Variants in MBD5 observed in about 807,000 individuals in gnomAD.
MBD5 encodes methyl-CpG-binding domain protein 5.
A neutral mutation model predicts 117.3 loss-of-function variants in MBD5; 13 were observed. The ratio of observed to expected loss-of-function variants is 0.11; its 90% CI spans 0.07 to 0.18. The LOEUF (loss-of-function observed/expected upper bound fraction) is 0.18. Ranked by LOEUF, MBD5 falls within the 10% of genes least tolerant of loss-of-function variation. MBD5 has a pLI of 1.00. For synonymous variants in MBD5, 727 were observed against 766.4 expected, an observed-to-expected ratio of 0.95 and a Z score of 0.85; for missense variants, 1,879 against 2,093.8, an observed-to-expected ratio of 0.90 and a Z score of 2.00.
intron 4 of MBD5, among the ~76,000 whole-genome samples, chr2:148,385,495 CT>C (rs1704323052): frequency 6.6e-6 from 1 of 152,060 alleles, no homozygotes; most frequent in Non-Finnish European, 1.5e-5. Flanking sequence ...AATAGGAACA[CT>C]TTTACACTGT....
intron 3 of MBD5, among the ~76,000 whole-genome samples, chr2:148,269,414 T>G (rs1043687101): frequency 6.6e-6 from 1 of 151,890 alleles, no homozygotes; most frequent in Non-Finnish European, 1.5e-5. Context: ...TATTAAAGGA[T>G]ACATAGGAGA....
At chr2:148,301,905 G>A (rs915751214) in intron 3 of MBD5, among the ~76,000 whole-genome samples, 2 of 152,102 alleles carry the variant, frequency 1.3e-5, no homozygotes, top group Non-Finnish European at 2.9e-5. Flanking sequence ...CCAGTTTCAG[G>A]TGTTTCTATC....
Position 148,502,483 on chromosome 2 carries a change from C to T in MBD5, c.5010C>T (p.Tyr1670=), listed in dbSNP as rs1057523158. Residue 1670 remains tyrosine, a synonymous_variant, in exon 12 of 14, where the codon TAC becomes TAT. Transcript: ENST00000642680. ...CACTAACAGAAGGTTTGGAAGCCTA[C>T]AGCCGTGTCCGGAAAAGGAACAGAA... ...LKTLTEGLEA[Y]SRVRKRNRKS... is the part of the protein sequence containing the mutation. 6 of 1,614,200 alleles carry T rather than the reference C, an allele frequency of 3.7e-6. No individual in the cohort carries two copies. The highest frequency in any genetic ancestry group is 4.2e-6 in the Non-Finnish European group (5 of 1,180,018).
chr2:148,124,682 A>T (rs981628749), intron 1 of MBD5, among the ~76,000 whole-genome samples: 2 of 152,170 alleles, frequency 1.3e-5, no homozygotes, highest in Admixed American at 1.3e-4. Context: ...TTTTTTCTGC[A>T]TATTTTTAAA....
chr2:148,432,149 C>T (rs954346649), intron 4 of MBD5, among the ~76,000 whole-genome samples: 9 of 151,996 alleles, frequency 5.9e-5, no homozygotes, highest in African/African-American at 1.9e-4. Flanking sequence ...TTTTCATGTG[C>T]TTGTTGGCTG....
At position 148,485,766 on chromosome 2, in the gene MBD5, C is replaced by A. The variant is rs774999439; in HGVS notation, c.3569C>A (p.Thr1190Asn). 6.8e-6 allele frequency: 11 copies of A among 1,613,244 alleles called. No homozygotes were observed. Among genetic ancestry groups the A allele is most frequent in the Admixed American group, 6.7e-5 (4 of 59,954 alleles). ...LLGDMSSINNTLSNHQLTHLQ... is the reference protein window; with the variant it reads ...LLGDMSSINNNLSNHQLTHLQ... Reference sequence around the variant, plus strand: ...GGTGATATGTCATCAATAAACAATACTTTGAGTAACCATCAACTGACTCAT... The same window carrying A: ...GGTGATATGTCATCAATAAACAATAATTTGAGTAACCATCAACTGACTCAT... Residue 1190 changes from threonine to asparagine, a missense_variant, in exon 10 of 14, where the codon ACT becomes AAT. Transcript: ENST00000642680.
chr2:148,214,619 CAATTT>C (rs1319038390), intron 2 of MBD5, among the ~76,000 whole-genome samples: 3 of 152,254 alleles, frequency 2.0e-5, no homozygotes, highest in Admixed American at 6.5e-5. Flanking sequence ...CAAAAGTGTT[CAATTT>C]GTTACCAGTA....
At chr2:148,408,578 G>A (rs1201579845) in intron 4 of MBD5, among the ~76,000 whole-genome samples, 1 of 152,020 alleles carries the variant, frequency 6.6e-6, no homozygotes, top group Non-Finnish European at 1.5e-5. Flanking sequence ...CTTGTATAAA[G>A]GCTTCTATTT....
chr2:148,146,922 G>A (rs547701764), intron 1 of MBD5, among the ~76,000 whole-genome samples: 1 of 151,966 alleles, frequency 6.6e-6, no homozygotes. Context: ...TAAATATTTT[G>A]TTTCTGTTAT....
chr2:148,135,853 G>A (rs929045231), intron 1 of MBD5, among the ~76,000 whole-genome samples: 12 of 152,070 alleles, frequency 7.9e-5, no homozygotes, highest in African/African-American at 2.9e-4. Flanking sequence ...GACCTCCTAG[G>A]ACCACATATG....
chr2:148,079,325 A>G lies in MBD5; in HGVS notation c.-925+57641A>G, dbSNP rs571817710. Among the ~76,000 whole-genome samples, 6 of 152,306 alleles carry G rather than the reference A, an allele frequency of 3.9e-5. No homozygotes were observed. In the South Asian group the frequency reaches 1.2e-3, roughly 32 times the overall value. Reference sequence around the variant, plus strand: ...CAATGGTTTTCAAATGTTTTACAGGATGATAGTAGTATTGGCAGCAAGCTC... The same window carrying G: ...CAATGGTTTTCAAATGTTTTACAGGGTGATAGTAGTATTGGCAGCAAGCTC... On this transcript the variant is annotated intron_variant, in intron 1 of 13. Transcript: ENST00000642680.
chr2:148,490,127 T>C lies in MBD5; in HGVS notation c.4495T>C (p.Tyr1499His). ...TAAAATTCTAGAGGAAAATTTCAGG[T>C]ATAATAACTACAAAAGAACTATGAT... ...GDKILEENFRYNNYKRTMMSF... is the reference protein window; with the variant it reads ...GDKILEENFRHNNYKRTMMSF... The change falls in exon 11 of 14, where the codon TAT (tyrosine) becomes CAT (histidine). Residue 1499 changes from tyrosine to histidine, a missense_variant. Coordinates refer to ENST00000642680, the MANE Select transcript of MBD5 (RefSeq NM_001378120.1). 1 of 1,613,500 alleles carries C rather than the reference T, an allele frequency of 6.2e-7. No homozygotes were observed. Among genetic ancestry groups the C allele is most frequent in the Non-Finnish European group, 8.5e-7 (1 of 1,179,876 alleles).
At chr2:148,155,375 G>A (rs1697844760) in intron 1 of MBD5, among the ~76,000 whole-genome samples, 1 of 152,188 alleles carries the variant, frequency 6.6e-6, no homozygotes, top group Non-Finnish European at 1.5e-5. Flanking sequence ...ATTGTGCCTG[G>A]CTTCAGCGAT....
intron 4 of MBD5, among the ~76,000 whole-genome samples, chr2:148,371,231 A>G (rs1268743434): frequency 2.0e-5 from 3 of 152,170 alleles, no homozygotes; most frequent in Admixed American, 6.5e-5. Flanking sequence ...TAATGACCAT[A>G]TAATTTCTAT....
chr2:148,181,721 C>T lies in MBD5; in HGVS notation c.-831+2928C>T, dbSNP rs990473565. Among the ~76,000 whole-genome samples, 17 of 151,848 alleles carry T rather than the reference C, an allele frequency of 1.1e-4. No homozygotes were observed. In the East Asian group the frequency reaches 3.1e-3, roughly 28 times the overall value. ...TTTATAGGAATTTGTTGTATGTGCT[C>T]GATATTAATTTCCTATCAGTTTAGA... On this transcript the variant is annotated intron_variant, in intron 2 of 13. Transcript: ENST00000642680.
intron 2 of MBD5, among the ~76,000 whole-genome samples, chr2:148,207,679 T>C (rs1452381613): frequency 8.1e-6 from 1 of 122,824 alleles, no homozygotes; most frequent in Non-Finnish European, 1.8e-5. Flanking sequence ...CTGAGAGAGA[T>C]ACTAGAAGTT....
At chr2:148,189,405 A>G (rs1698772101) in intron 2 of MBD5, among the ~76,000 whole-genome samples, 1 of 150,496 alleles carries the variant, frequency 6.6e-6, no homozygotes, top group East Asian at 2.0e-4. Flanking sequence ...ACAGCTGGAG[A>G]TCTGAGAACG....
In MBD5 at chr2:148,021,480, G is replaced by A. The variant is rs1489723002; in HGVS notation, c.-1129G>A. The A allele has an allele frequency of 1.7e-6, 1 of 577,042 alleles. No individual in the cohort carries two copies. The highest frequency in any genetic ancestry group is 1.5e-5 in the South Asian group (1 of 66,304). 35.7% of individuals were successfully genotyped at this position (577,042 alleles called of 1,614,324 possible). A position where few individuals can be genotyped will look rare whatever the true frequency, so the allele number is the denominator to read the frequency against. On this transcript the variant is annotated 5_prime_UTR_variant, in exon 1 of 14. Transcript: ENST00000642680. ...TGCTGCTGTTGCTGCTGCTGCTGCT[G>A]TTGCTGCTGCTGCTGCTACTGCTGC...
chr2:148,044,197 A>G (rs1278316257), intron 1 of MBD5, among the ~76,000 whole-genome samples: 1 of 152,124 alleles, frequency 6.6e-6, no homozygotes, highest in Non-Finnish European at 1.5e-5. Flanking sequence ...TTGACCAAAC[A>G]TTTCCTTGCA....
Sources: allele counts gnomAD v4.1 joint callset (sites outside exome capture counted in the v4.1 genomes callset), GRCh38; gene constraint gnomAD v4.1.1; transcripts MANE v1.5; gene names NCBI Gene and HGNC (gene_info 2026-07-23, HGNC 2026-07-21).